Variants in MMRN1 observed in about 807,000 individuals in gnomAD.
MMRN1 encodes the protein multimerin 1.
Under a neutral mutation model 100.7 loss-of-function variants are expected in MMRN1, and 94 were observed. The observed-to-expected ratio is 0.93, with a 90% CI of 0.79 to 1.11. The LOEUF (loss-of-function observed/expected upper bound fraction) is 1.11. Ranked by LOEUF, MMRN1 falls within the 50% of genes least tolerant of loss-of-function variation. The probability of loss-of-function intolerance (pLI) is 0.00; values close to 1 mark genes in which losing one functional copy is unlikely to be tolerated. For synonymous variants in MMRN1, 575 were observed against 505.0 expected (o/e 1.14, Z -1.86); for missense variants, 1,606 against 1,439.1 (o/e 1.12, Z -1.88).
Position 89,927,865 on chromosome 4 carries a change from T to C in MMRN1, c.1026T>C (p.Ile342=). ...AMKLTLLQKK[I]DNISLTVNDV... ...AACTGACTCTTCTGCAGAAGAAGATTGACAATATTTCTTTGACTGTGAATG... is the reference window on the plus strand; with the variant it reads ...AACTGACTCTTCTGCAGAAGAAGATCGACAATATTTCTTTGACTGTGAATG... The change falls in exon 5 of 8, where the codon ATT becomes ATC. Residue 342 remains isoleucine, a synonymous_variant. Coordinates refer to ENST00000264790, the MANE Select transcript of MMRN1 (RefSeq NM_007351.3). 1 of 1,612,724 alleles carries C rather than the reference T, an allele frequency of 6.2e-7. No homozygotes were observed. The highest frequency in any genetic ancestry group is 8.5e-7 in the Non-Finnish European group (1 of 1,179,298).
At chr4:89,937,421 A>G (rs561626364) in intron 6 of MMRN1, among the ~76,000 whole-genome samples, 2 of 152,206 alleles carry the variant, frequency 1.3e-5, no homozygotes, top group South Asian at 4.1e-4. Flanking sequence ...GATGTTACTG[A>G]ATGAATATTG....
chr4:89,937,944 A>G (rs1166733587), intron 6 of MMRN1, among the ~76,000 whole-genome samples: 3 of 152,110 alleles, frequency 2.0e-5, no homozygotes, highest in Non-Finnish European at 2.9e-5. Context: ...TTGTCATATA[A>G]GTAATATTGA....
rs913403370 is a variant in MMRN1, at chr4:89,915,599, T to TA, written c.850+3559dup. Among the ~76,000 whole-genome samples the TA allele has an allele frequency of 6.3e-3, 914 of 146,238 alleles. 10 individuals carry two copies. Among genetic ancestry groups the TA allele is most frequent in the African/African-American group, 0.021 (843 of 40,142 alleles). ...AACTTGCAAATAAAATCCATCTAAT[T>TA]AAAAAAAAAAGCATCTAATAAGGAA... is the stretch of plus-strand genomic sequence containing the variant. On this transcript the variant is annotated intron_variant, in intron 3 of 7. Transcript: ENST00000264790.
chr4:89,938,503 A>ATATATATATATATG (rs1300612845), intron 6 of MMRN1, among the ~76,000 whole-genome samples: 1 of 78,676 alleles, frequency 1.3e-5, no homozygotes, highest in African/African-American at 5.2e-5. Flanking sequence ...ATATATATAT[A>ATATATATATATATG]TATATATATT....
chr4:89,901,547 G>C (rs978620026), intron 1 of MMRN1, among the ~76,000 whole-genome samples: 6 of 151,880 alleles, frequency 4.0e-5, no homozygotes, highest in Admixed American at 2.6e-4. Context: ...TTCTTGTGTT[G>C]TTTTCAAAGT....
upstream of MMRN1, among the ~76,000 whole-genome samples, chr4:89,891,982 TTC>T (rs143268384): frequency 0.01 from 1,560 of 152,098 alleles, 31 homozygotes; most frequent in African/African-American, 0.036. Flanking sequence ...CAATCTAAGA[TTC>T]TCTTTTAACT....
At chr4:89,951,839 C>A in intron 7 of MMRN1, 88 bp downstream of exon 7, 2 of 1,422,854 alleles carry the variant, frequency 1.4e-6, no homozygotes, top group Non-Finnish European at 9.6e-7. Flanking sequence ...AATATTTAAG[C>A]CTGCTTAATC....
At chr4:89,880,026 T>TG (rs1398012104) in intron 1 of MMRN1, among the ~76,000 whole-genome samples, 1 of 152,182 alleles carries the variant, frequency 6.6e-6, no homozygotes, top group African/African-American at 2.4e-5. Flanking sequence ...ATAGAAACCC[T>TG]GGGGGAGGAC....
chr4:89,910,190 G>T (rs1283328162), intron 2 of MMRN1, among the ~76,000 whole-genome samples: 3 of 151,352 alleles, frequency 2.0e-5, no homozygotes, highest in Non-Finnish European at 4.4e-5. Flanking sequence ...AATAGCTAAG[G>T]TTCATGGTCC....
In MMRN1 at chr4:89,935,805, C is replaced by G; in HGVS notation, c.2125C>G (p.Arg709Gly). 2 of 1,613,054 alleles carry G rather than the reference C, an allele frequency of 1.2e-6. No individual in the cohort carries two copies. Among genetic ancestry groups the G allele is most frequent in the Admixed American group, 1.7e-5 (1 of 59,902 alleles). The change falls in exon 6 of 8, where the codon CGT becomes GGT. Residue 709 changes from arginine to glycine, a missense_variant. By Grantham distance (125) the Arg-to-Gly change is moderately radical. Coordinates refer to ENST00000264790, the MANE Select transcript of MMRN1 (RefSeq NM_007351.3). ...CTTACTTAGAAATGAAGTACAGGGT[C>G]GTGATGATGCCTTAGAAAGACGTAT... is the stretch of plus-strand genomic sequence containing the variant. ...HNLLRNEVQGRDDALERRINE... is the reference protein window; with the variant it reads ...HNLLRNEVQGGDDALERRINE...
At chr4:89,902,594 C>G (rs1184398153) in intron 1 of MMRN1, among the ~76,000 whole-genome samples, 1 of 151,910 alleles carries the variant, frequency 6.6e-6, no homozygotes, top group East Asian at 1.9e-4. Flanking sequence ...TGTGTATAGA[C>G]AGTAATTTGT....
At position 89,936,795 on chromosome 4, in the gene MMRN1, C is replaced by A; in HGVS notation, c.3115C>A (p.Pro1039Thr). 1 of 1,578,352 alleles carries A rather than the reference C, an allele frequency of 6.3e-7. No individual in the cohort carries two copies. Among genetic ancestry groups the A allele is most frequent in the Non-Finnish European group, 8.6e-7 (1 of 1,167,882 alleles). ...TQRNTDNIIY[P>T]EEYSSCSRHP... ...AAGAAACACGGACAACATAATATAT[C>A]CTGGTAAGCTGTTACTGAAAAGTAA... Residue 1039 changes from proline to threonine, a missense_variant, in exon 6 of 8, where the codon CCT (proline) becomes ACT (threonine). By Grantham distance (38) the Pro-to-Thr change is conservative. Transcript: ENST00000264790.
intron 4 of MMRN1, among the ~76,000 whole-genome samples, chr4:89,926,564 T>G (rs1722269874): frequency 6.6e-6 from 1 of 152,206 alleles, no homozygotes; most frequent in Non-Finnish European, 1.5e-5. Flanking sequence ...AAGATTTTTC[T>G]CTCATTCTGT....
chr4:89,905,269 T>A lies in MMRN1; in HGVS notation c.624-4007T>A, dbSNP rs114673190. The stretch of plus-strand genomic sequence containing the variant: ...GTAATGGTCAAACAGTTAAGTTTTG[T>A]TTGGTTGTATTTTCATGCAATAATA... On this transcript the variant is annotated intron_variant, in intron 1 of 7. Transcript: ENST00000264790. Among the ~76,000 whole-genome samples the A allele has an allele frequency of 9.7e-3, 1,473 of 151,546 alleles. 26 individuals carry two copies. Among genetic ancestry groups the A allele is most frequent in the African/African-American group, 0.033 (1,355 of 41,436 alleles).
At position 89,935,986 on chromosome 4, in the gene MMRN1, T is replaced by A. The variant is rs759056230; in HGVS notation, c.2306T>A (p.Met769Lys). The change falls in exon 6 of 8, where the codon ATG (methionine) becomes AAG (lysine). Residue 769 changes from methionine (M) to lysine (K), a missense_variant. Coordinates refer to ENST00000264790, the MANE Select transcript of MMRN1 (RefSeq NM_007351.3). ...SEIHHKCTSD[M>K]ETILTFIPQF... ...ATCCATCATAAATGTACCTCCGATA[T>A]GGAAACTATTTTGACATTTATTCCT... 1.2e-6 allele frequency: 2 copies of A among 1,613,146 alleles called. No homozygotes were observed. Among genetic ancestry groups the A allele is most frequent in the Non-Finnish European group, 1.7e-6 (2 of 1,179,428 alleles).
At chr4:89,931,441 C>G (rs1013264693) in intron 5 of MMRN1, among the ~76,000 whole-genome samples, 3 of 152,106 alleles carry the variant, frequency 2.0e-5, no homozygotes, top group Admixed American at 2.0e-4. Flanking sequence ...TAATTGATGG[C>G]AATATCCCAT....
At position 89,935,654 on chromosome 4, in the gene MMRN1, A is replaced by C. The variant is rs780774510; in HGVS notation, c.1974A>C (p.Ser658=). The change falls in exon 6 of 8, where the codon TCA becomes TCC. Residue 658 remains serine, a synonymous_variant. Transcript: ENST00000264790. ...ILQPLLEQGA[S]LRQTMTYEQP... ...AACCCTTGCTTGAGCAGGGAGCATC[A>C]CTCAGACAGACAATGACATATGAAC... 4 of 1,613,440 alleles carry C rather than the reference A, an allele frequency of 2.5e-6. No homozygotes were observed. In the South Asian group the frequency reaches 3.3e-5, roughly 13 times the overall value.
chr4:89,933,750 C>G (rs532616058), intron 5 of MMRN1, among the ~76,000 whole-genome samples: 1 of 152,280 alleles, frequency 6.6e-6, no homozygotes, highest in East Asian at 1.9e-4. Context: ...CACTGGGTCT[C>G]TCTCACAACA....
At chr4:89,903,012 A>G (rs1721441509) in intron 1 of MMRN1, among the ~76,000 whole-genome samples, 1 of 151,974 alleles carries the variant, frequency 6.6e-6, no homozygotes, top group South Asian at 2.1e-4. Context: ...GGAAATAAAT[A>G]TTGAGATGAA....
Sources: allele counts gnomAD v4.1 joint callset (sites outside exome capture counted in the v4.1 genomes callset), GRCh38; gene constraint gnomAD v4.1.1; transcripts MANE v1.5; gene names NCBI Gene and HGNC (gene_info 2026-07-23, HGNC 2026-07-21).